The following FRMD3 variants were observed in gnomAD, a reference collection of about 807,000 sequenced individuals.
The protein encoded by FRMD3 is FERM domain-containing protein 3.
A neutral mutation model predicts 70.2 loss-of-function variants in FRMD3; 33 were observed. That is an observed-to-expected ratio of 0.47 (90% CI 0.36 to 0.63). The LOEUF is 0.63. FRMD3 is among the 20% of genes least tolerant of loss of function. The pLI, the probability that FRMD3 is intolerant of heterozygous loss-of-function variation, is 0.00. For synonymous variants in FRMD3, 279 were observed against 255.9 expected (o/e 1.09, Z -0.86); for missense variants, 632 against 711.4 (o/e 0.89, Z 1.27).
At chr9:83,517,430 C>T (rs11140135) in intron 1 of FRMD3, among the ~76,000 whole-genome samples, 40,691 of 142,224 alleles carry the variant, frequency 0.29, 6,473 homozygotes, top group East Asian at 0.46. Context: ...AGGAAGAAGT[C>T]GAATCCCTGA....
chr9:83,365,471 G>A (rs1824756040), intron 3 of FRMD3, among the ~76,000 whole-genome samples: 1 of 152,016 alleles, frequency 6.6e-6, no homozygotes. Context: ...GTTAGTGCTT[G>A]TGTATAAGGC....
Position 83,538,135 on chromosome 9 carries a change from T to C in FRMD3, c.97A>G (p.Arg33Gly), listed in dbSNP as rs778950192. Residue 33 changes from arginine (R) to glycine (G), a missense_variant, in exon 1 of 14, where the codon AGA becomes GGA. Arg to Gly is a moderately radical substitution (Grantham distance 125). Transcript: ENST00000304195. This position sits in a 1 kb window ranked among gnomAD's most constrained non-coding sequence, Gnocchi z 4.7. ...SSVKSLSQEM[R>G]CTIRLLDDSE... ...TCGTCCAGCAGCCGGATGGTGCATC[T>C]CATCTCCTGGCTGAGCGATTTGACG... is the stretch of plus-strand genomic sequence containing the variant. The C allele has an allele frequency of 1.2e-5, 20 of 1,613,508 alleles. No homozygotes were observed. Among genetic ancestry groups the C allele is most frequent in the Non-Finnish European group, 1.6e-5 (19 of 1,179,812 alleles).
At chr9:83,304,346 A>G (rs976040182) in intron 10 of FRMD3, among the ~76,000 whole-genome samples, 1 of 152,076 alleles carries the variant, frequency 6.6e-6, no homozygotes, top group Admixed American at 6.6e-5. Context: ...CTGATTTAGA[A>G]CCTTATTACT....
At chr9:83,296,418 A>T (rs980538927) in intron 12 of FRMD3, among the ~76,000 whole-genome samples, 4 of 152,140 alleles carry the variant, frequency 2.6e-5, no homozygotes, top group Non-Finnish European at 4.4e-5. Context: ...CTATATATTG[A>T]CCTCTACTAT....
chr9:83,508,594 G>T (rs967416868), intron 1 of FRMD3, among the ~76,000 whole-genome samples: 1 of 152,044 alleles, frequency 6.6e-6, no homozygotes, highest in African/African-American at 2.4e-5. Flanking sequence ...CTGTTCTTAA[G>T]CCAGCCTCAA....
intron 7 of FRMD3, among the ~76,000 whole-genome samples, chr9:83,312,729 C>T (rs980341370): frequency 6.6e-6 from 1 of 152,116 alleles, no homozygotes; most frequent in Non-Finnish European, 1.5e-5. Context: ...GTAGCCTGGT[C>T]GCCGCACCCA....
At position 83,346,497 on chromosome 9, in the gene FRMD3, T is replaced by A. The variant is rs866762502; in HGVS notation, c.374+3182A>T. 1.4e-4 allele frequency among the ~76,000 whole-genome samples: 21 copies of A among 151,918 alleles called. 1 individual carries two copies. The highest frequency in any genetic ancestry group is 4.4e-4 in the African/African-American group (18 of 41,346). ...ATATGAAACAACCAGAATGGACAAA[T>A]CTATAGAGACAGAAAACAGATAAGT... On this transcript the variant is annotated intron_variant, in intron 4 of 13. Transcript: ENST00000304195.
chr9:83,352,225 C>T (rs936145003), intron 3 of FRMD3, among the ~76,000 whole-genome samples: 9 of 152,130 alleles, frequency 5.9e-5, no homozygotes, highest in Non-Finnish European at 1.3e-4. Flanking sequence ...TGTAGACTCT[C>T]AAAAGTTGAA....
intron 10 of FRMD3, among the ~76,000 whole-genome samples, chr9:83,301,292 A>AC (rs1237881412): frequency 2.0e-5 from 3 of 151,824 alleles, no homozygotes; most frequent in Non-Finnish European, 4.4e-5. Context: ...GTCCATCTGC[A>AC]CCCCCTAAAA....
At chr9:83,433,547 C>T (rs142287772) in intron 1 of FRMD3, among the ~76,000 whole-genome samples, 1,894 of 152,286 alleles carry the variant, frequency 0.012, 49 homozygotes, top group African/African-American at 0.044. Context: ...AAGCACATCA[C>T]ATTTATTGTG....
At chr9:83,553,198 T>C in the FRMD3 span, among the ~76,000 whole-genome samples, 1 of 152,210 alleles carries the variant, frequency 6.6e-6, no homozygotes, top group Non-Finnish European at 1.5e-5. Flanking sequence ...CATTTGCTTA[T>C]CTGAAACGAT....
At chr9:83,480,825 T>C (rs1305607314) in intron 1 of FRMD3, among the ~76,000 whole-genome samples, 1 of 152,218 alleles carries the variant, frequency 6.6e-6, no homozygotes, top group Non-Finnish European at 1.5e-5. Context: ...ATAGGTTATA[T>C]GCAGATACAA....
At chr9:83,568,102 T>C in the FRMD3 span, among the ~76,000 whole-genome samples, 3 of 152,268 alleles carry the variant, frequency 2.0e-5, no homozygotes, top group South Asian at 2.1e-4. Flanking sequence ...AGAATCATGG[T>C]AGGAGATGAA....
chr9:83,389,901 T>C (rs568166054), intron 1 of FRMD3, among the ~76,000 whole-genome samples, 193 bp from the exon 2 acceptor site: 23 of 151,884 alleles, frequency 1.5e-4, no homozygotes, highest in South Asian at 6.2e-4. Flanking sequence ...CATGAGCCAT[T>C]ACACACACAC....
intron 1 of FRMD3, among the ~76,000 whole-genome samples, chr9:83,432,629 A>G (rs945381912): frequency 2.0e-5 from 3 of 152,248 alleles, no homozygotes; most frequent in Admixed American, 6.5e-5. Context: ...AACAAAGGTC[A>G]TAGATCACTC....
intron 2 of FRMD3, among the ~76,000 whole-genome samples, chr9:83,385,740 G>GA (rs148223409): frequency 0.15 from 22,650 of 146,632 alleles, 1,785 homozygotes; most frequent in African/African-American, 0.18. Flanking sequence ...AGGAGCTGGT[G>GA]AAAAAAAAAA....
At chr9:83,498,170 CAA>C (rs34136753) in intron 1 of FRMD3, among the ~76,000 whole-genome samples, 18 of 147,662 alleles carry the variant, frequency 1.2e-4, no homozygotes, top group Admixed American at 2.0e-4. Context: ...ACTCCGTCTC[CAA>C]AAAAAAAAAA....
chr9:83,470,967 T>C (rs1029312201), intron 1 of FRMD3, among the ~76,000 whole-genome samples: 1 of 152,212 alleles, frequency 6.6e-6, no homozygotes, highest in Non-Finnish European at 1.5e-5. Context: ...AATTAATGGT[T>C]ACTAACAAAA....
intron 1 of FRMD3, among the ~76,000 whole-genome samples, chr9:83,507,922 C>T (rs1829241987): frequency 6.6e-6 from 1 of 151,514 alleles, no homozygotes; most frequent in South Asian, 2.1e-4. Context: ...GTACTACGTA[C>T]TGTACATAAT....
Sources: gnomAD v4.1 joint callset for allele counts (sites outside exome capture counted in the v4.1 genomes callset) on GRCh38, gnomAD v4.1.1 for gene constraint, Gnocchi (gnomAD v3.1) non-coding constraint, MANE v1.5 for transcripts, NCBI Gene and HGNC (gene_info 2026-07-23, HGNC 2026-07-21) for gene names.